ABCG5: variants seen among roughly 807,000 people sequenced by gnomAD.
ABCG5 encodes ATP binding cassette subfamily G member 5.
In ABCG5, 64 loss-of-function variants were observed where a neutral mutation model predicts 64.5. The ratio of observed to expected loss-of-function variants is 0.99; its 90% CI spans 0.81 to 1.22. The LOEUF is 1.22. Ranked by LOEUF, ABCG5 falls within the 50% of genes most tolerant of loss-of-function variation. The pLI is 0.00. For missense variants in ABCG5, 908 were observed against 829.5 expected (o/e 1.09, Z -1.16); for synonymous variants, 385 against 326.3 (o/e 1.18, Z -1.94).
chr2:43,818,322 T>C (rs1477178410), intron 11 of ABCG5, among the ~76,000 whole-genome samples: 1 of 152,132 alleles, frequency 6.6e-6, no homozygotes, highest in Non-Finnish European at 1.5e-5. Flanking sequence ...CGCACACCTG[T>C]AATCCCAGCT....
chr2:43,830,387 C>T (rs1350907677), intron 4 of ABCG5, among the ~76,000 whole-genome samples: 1 of 152,230 alleles, frequency 6.6e-6, no homozygotes, highest in Non-Finnish European at 1.5e-5. Flanking sequence ...AGTTCCATAA[C>T]TTGCCCAAGA....
At chr2:43,817,700 A>G (rs13427362) in intron 11 of ABCG5, among the ~76,000 whole-genome samples, 14,166 of 152,044 alleles carry the variant, frequency 0.093, 837 homozygotes, top group Admixed American at 0.2. Context: ...ACCTGAGGTC[A>G]GGAGTTTGAG....
chr2:43,813,683 T>C (rs1666610190), intron 12 of ABCG5, among the ~76,000 whole-genome samples: 1 of 150,772 alleles, frequency 6.6e-6, no homozygotes, highest in Middle Eastern at 3.2e-3. Context: ...TGTTTTTTTT[T>C]TGTTTTTTTT....
At chr2:43,815,462 G>A (rs970856763) in intron 11 of ABCG5, among the ~76,000 whole-genome samples, 1 of 152,214 alleles carries the variant, frequency 6.6e-6, no homozygotes, top group African/African-American at 2.4e-5. Flanking sequence ...ATAAAAAAAT[G>A]TGTACCACAC....
upstream of ABCG5, chr2:43,839,211 C>A: frequency 1.5e-6 from 2 of 1,317,530 alleles, no homozygotes; most frequent in Non-Finnish European, 2.1e-6. Context: ...GTCCTAGCAC[C>A]ACCCGGACAT....
In ABCG5 at chr2:43,837,856, G is replaced by A. The variant is rs766455908; in HGVS notation, c.243C>T (p.Ile81=). 6.2e-7 allele frequency: 1 copy of A among 1,614,050 alleles called. No homozygotes were observed. The highest frequency in any genetic ancestry group is 1.1e-5 in the South Asian group (1 of 91,068). Reference sequence around the variant, plus strand: ...TACCTGAGCTTCCTAGGATGCACATGATCTGCCCGCTCTCCACGTACAAGG... The same window carrying A: ...TACCTGAGCTTCCTAGGATGCACATAATCTGCCCGCTCTCCACGTACAAGG... ...DVSLYVESGQ[I]MCILGSSGSG... Residue 81 remains isoleucine, a synonymous_variant, in exon 2 of 13, where the codon ATC becomes ATT. Coordinates refer to ENST00000405322, the MANE Select transcript of ABCG5 (RefSeq NM_022436.3).
At chr2:43,831,634 G>T in intron 4 of ABCG5, 135 bp downstream of exon 4, 1 of 894,158 alleles carries the variant, frequency 1.1e-6, no homozygotes, top group South Asian at 1.5e-5. Context: ...GCACGGTGCA[G>T]GACGCAGGGC....
intron 2 of ABCG5, among the ~76,000 whole-genome samples, chr2:43,835,531 A>T (rs1389953616): frequency 6.6e-6 from 1 of 152,200 alleles, no homozygotes; most frequent in African/African-American, 2.4e-5. Context: ...TGGAAATAAG[A>T]ACTGACAAAG....
intron 10 of ABCG5, chr2:43,822,489 T>G: frequency 1.4e-4 from 49 of 361,020 alleles, no homozygotes; most frequent in East Asian, 2.2e-4. Flanking sequence ...CCCCCCCCCA[T>G]GCACCTGGGT....
At chr2:43,823,325 G>A (rs1051641523) in intron 9 of ABCG5, among the ~76,000 whole-genome samples, 2 of 117,844 alleles carry the variant, frequency 1.7e-5, no homozygotes, top group East Asian at 2.7e-4. Flanking sequence ...ACTTGCTCTC[G>A]GAAGGCCAGG....
chr2:43,816,619 C>T (rs2104764220), intron 11 of ABCG5, among the ~76,000 whole-genome samples: 1 of 152,300 alleles, frequency 6.6e-6, no homozygotes, highest in East Asian at 1.9e-4. Context: ...TTTTGGCTCA[C>T]TGCAGCCTCC....
chr2:43,820,534 A>G lies in ABCG5; in HGVS notation c.1464-434T>C, dbSNP rs547157166. On this transcript the variant is annotated intron_variant, in intron 10 of 12. Coordinates refer to ENST00000405322, the MANE Select transcript of ABCG5 (RefSeq NM_022436.3). ...CTTCCCTGAACCTCATCTCTGTTAT[A>G]TGGGATTATTGCCTACGTGAAAATC... 1.4e-4 allele frequency among the ~76,000 whole-genome samples: 21 copies of G among 152,256 alleles called. No homozygotes were observed. In the South Asian group the frequency reaches 4.2e-3, roughly 30 times the overall value.
In ABCG5 at chr2:43,831,972, T is replaced by C. The variant is rs933862825; in HGVS notation, c.377A>G (p.Gln126Arg). ...CTGCAGGACGTAGGAGAAGCAGTCCTGGAACTGCTCCCGGCGCAGCGCCCG... is the reference window on the plus strand; with the variant it reads ...CTGCAGGACGTAGGAGAAGCAGTCCCGGAACTGCTCCCGGCGCAGCGCCCG... ...NGRALRREQF[Q>R]DCFSYVLQSD... Residue 126 changes from glutamine to arginine, a missense_variant, in exon 3 of 13, where the codon CAG (glutamine) becomes CGG (arginine). Physicochemically the swap from Gln to Arg is conservative, Grantham distance 43. Coordinates refer to ENST00000405322, the MANE Select transcript of ABCG5 (RefSeq NM_022436.3). The C allele has an allele frequency of 1.5e-5, 24 of 1,551,502 alleles. No homozygotes were observed. Among genetic ancestry groups the C allele is most frequent in the African/African-American group, 2.7e-5 (2 of 73,218 alleles).
upstream of ABCG5, chr2:43,839,127 A>G: frequency 4.5e-6 from 7 of 1,551,090 alleles, no homozygotes; most frequent in African/African-American, 1.4e-5. Flanking sequence ...GTGAGTGAGC[A>G]ATGGGAAGTC....
chr2:43,823,802 G>A, intron 9 of ABCG5, 111 bp downstream of exon 9: 1 of 1,277,866 alleles, frequency 7.8e-7, no homozygotes, highest in Non-Finnish European at 1.1e-6. Context: ...GGAGAGGGCT[G>A]GGTTTAGCTC....
chr2:43,810,195 AT>A (rs1439216569), downstream of ABCG5, among the ~76,000 whole-genome samples: 1 of 152,210 alleles, frequency 6.6e-6, no homozygotes. Context: ...GGGTTCACAG[AT>A]GTCAAAATTT....
chr2:43,824,896 G>A lies in ABCG5; in HGVS notation c.897C>T (p.Asp299=), dbSNP rs373237261. The part of the protein sequence containing the change: ...YPCPEHSNPF[D]FYMDLTSVDT... ...TGTGAAAGAAAAACTTACTATAGAA[G>A]TCAAAAGGGTTTGAATGTTCAGGAC... Residue 299 remains aspartate (D), a synonymous_variant, in exon 7 of 13, where the codon GAC becomes GAT. Transcript: ENST00000405322. 965 of 1,613,968 alleles carry A rather than the reference G, an allele frequency of 6.0e-4. 8 individuals are homozygous for A. The South Asian group carries it at 7.2e-3, about 12-fold the overall frequency.
intron 10 of ABCG5, chr2:43,822,493 C>T (rs1356900266): frequency 5.4e-6 from 5 of 922,766 alleles, no homozygotes; most frequent in African/African-American, 1.8e-5. Flanking sequence ...CCCCCATGCA[C>T]CTGGGTCCTA....
At chr2:43,810,127 G>A (rs545613360), downstream of ABCG5, 122 of 359,716 alleles carry the variant, frequency 3.4e-4, no homozygotes, top group Non-Finnish European at 4.4e-4. Flanking sequence ...AAGTGCCCAC[G>A]TTAGACACAT....
Sources: gnomAD v4.1 joint callset for allele counts (sites outside exome capture counted in the v4.1 genomes callset) on GRCh38, gnomAD v4.1.1 for gene constraint, MANE v1.5 for transcripts, NCBI Gene and HGNC (gene_info 2026-07-23, HGNC 2026-07-21) for gene names.